STIL: variants seen among roughly 807,000 people sequenced by gnomAD.
STIL encodes the protein SCL-interrupting locus protein.
A neutral mutation model predicts 110.1 loss-of-function variants in STIL; 55 were observed. The observed-to-expected ratio is 0.50, with a 90% CI of 0.40 to 0.63. The LOEUF is 0.63. STIL is among the 20% of genes least tolerant of loss of function. The probability of loss-of-function intolerance (pLI) is 0.00; values close to 1 mark genes in which losing one functional copy is unlikely to be tolerated. For synonymous variants in STIL, 481 were observed against 530.0 expected (o/e 0.91, Z 1.27); for missense variants, 1,358 against 1,530.0 (o/e 0.89, Z 1.87).
chr1:47,259,992 A>G (rs1334727628), intron 16 of STIL, among the ~76,000 whole-genome samples: 1 of 152,084 alleles, frequency 6.6e-6, no homozygotes, highest in East Asian at 1.9e-4. Context: ...TTTCCTCAAG[A>G]CTCCTAAAGT....
rs191589418 is a variant in STIL, at chr1:47,252,333, G to A, written c.3081-411C>T. Among the ~76,000 whole-genome samples, 418 of 152,306 alleles carry A rather than the reference G, an allele frequency of 2.7e-3. 2 individuals carry two copies. The highest frequency in any genetic ancestry group is 9.6e-3 in the African/African-American group (400 of 41,570). ...AGAGTTCAAAGTTACAGTGAGCCAT[G>A]ATCGTGCCACTGCACTCCAGCCTGG... is the stretch of plus-strand genomic sequence containing the variant. On this transcript the variant is annotated intron_variant, in intron 16 of 16. Coordinates refer to ENST00000371877, the MANE Select transcript of STIL (RefSeq NM_001048166.1).
At chr1:47,272,377 A>T (rs1487360812) in intron 12 of STIL, 136 bp from the exon 13 acceptor site, 1 of 841,494 alleles carries the variant, frequency 1.2e-6, no homozygotes, top group East Asian at 2.6e-5. Context: ...TTTCAACTAG[A>T]CCATACCATG....
chr1:47,297,343 C>CA (rs34222408), intron 6 of STIL, among the ~76,000 whole-genome samples: 93,828 of 143,348 alleles, frequency 0.65, 33,681 homozygotes, highest in Non-Finnish European at 0.82. Flanking sequence ...GACTCCATCT[C>CA]AAAAAAAAAA....
chr1:47,291,426 A>G (rs1645486980), intron 8 of STIL, among the ~76,000 whole-genome samples: 1 of 151,898 alleles, frequency 6.6e-6, no homozygotes, highest in South Asian at 2.1e-4. Flanking sequence ...ATAAATAAAT[A>G]AATAAACGGC....
chr1:47,300,079 G>A lies in STIL; in HGVS notation c.527C>T (p.Thr176Ile), dbSNP rs1645758700. The change falls in exon 6 of 17, where the codon ACT (threonine) becomes ATT (isoleucine). Residue 176 changes from threonine to isoleucine, a missense_variant. Thr to Ile is a moderately conservative substitution (Grantham distance 89, BLOSUM62 -1). Coordinates refer to ENST00000371877, the MANE Select transcript of STIL (RefSeq NM_001048166.1). Reference sequence around the variant, plus strand: ...CACACTGTCCAAACTCTCCCTGGAAGTGATATGAACTCTTAGGGAAAGCAG... The same window carrying A: ...CACACTGTCCAAACTCTCCCTGGAAATGATATGAACTCTTAGGGAAAGCAG... ...GKLLSLRVHI[T>I]SRESLDSVEF... 5 of 1,614,028 alleles carry A rather than the reference G, an allele frequency of 3.1e-6. No homozygotes were observed. Among genetic ancestry groups the A allele is most frequent in the Non-Finnish European group, 4.2e-6 (5 of 1,180,026 alleles).
chr1:47,293,432 G>C, intron 8 of STIL, 26 bp downstream of exon 8: 1 of 1,575,114 alleles, frequency 6.3e-7, no homozygotes, highest in African/African-American at 1.3e-5. Flanking sequence ...TCGAAATAAA[G>C]TACTACAGAA....
chr1:47,252,786 C>CACACACACACAT (rs1644222689), intron 16 of STIL, among the ~76,000 whole-genome samples: 1 of 131,776 alleles, frequency 7.6e-6, no homozygotes, highest in Non-Finnish European at 1.5e-5. Flanking sequence ...TATACACACA[C>CACACACACACAT]ACACACACAC....
Position 47,269,873 on chromosome 1 carries a change from G to A in STIL, c.2384-7C>T. ...TTCCAAAACAAGCTAGCACCTGGAGGTTAAATAATTTAAGATACTGAAACA... is the reference window on the plus strand; with the variant it reads ...TTCCAAAACAAGCTAGCACCTGGAGATTAAATAATTTAAGATACTGAAACA... On this transcript the variant is annotated splice_polypyrimidine_tract_variant and splice_region_variant and intron_variant, in intron 13 of 16. Transcript: ENST00000371877. The A allele has an allele frequency of 6.2e-7, 1 of 1,609,504 alleles. No homozygotes were observed.
At chr1:47,286,200 G>T (rs907019755) in intron 10 of STIL, among the ~76,000 whole-genome samples, 1 of 151,976 alleles carries the variant, frequency 6.6e-6, no homozygotes, top group Non-Finnish European at 1.5e-5. Flanking sequence ...ATTGTATAAT[G>T]AAAGTATCAT....
rs536667689 is a variant in STIL, at chr1:47,311,283, CTTTTTTTT to C, written c.-43-929_-43-922del. Reference sequence around the variant, plus strand: ...CAAATCCATTTTCTTTTCTTTTTTTCTTTTTTTTTTTTTTTTGAAACAGGGTCTCACTC... The same window carrying C: ...CAAATCCATTTTCTTTTCTTTTTTTCTTTTTTTTGAAACAGGGTCTCACTC... On this transcript the variant is annotated intron_variant, in intron 1 of 16. Transcript: ENST00000371877. Among the ~76,000 whole-genome samples the C allele has an allele frequency of 1.7e-4, 23 of 132,220 alleles. No homozygotes were observed. The East Asian group carries it at 1.9e-3, about 11-fold the overall frequency. 86.7% of individuals were successfully genotyped at this position (132,220 alleles called of 152,430 possible).
chr1:47,250,488 G>C lies in STIL; in HGVS notation c.*648C>G, dbSNP rs1174062479. ...TAACTTATGTTCTTTTAATGATATA[G>C]GATAAATGCAGAGATGCAACATGCT... is the stretch of plus-strand genomic sequence containing the variant. On this transcript the variant is annotated 3_prime_UTR_variant, in exon 17 of 17. Transcript: ENST00000371877. 1 of 164,462 alleles carries C rather than the reference G, an allele frequency of 6.1e-6. No individual in the cohort carries two copies. Among genetic ancestry groups the C allele is most frequent in the Non-Finnish European group, 1.3e-5 (1 of 75,076 alleles). The allele number at this position is 164,462 out of a possible 1,614,324, so 10.2% of individuals were successfully genotyped here. A position where few individuals can be genotyped will look rare whatever the true frequency, so the allele number is the denominator to read the frequency against.
At chr1:47,300,946 C>G (rs1396847707) in intron 5 of STIL, among the ~76,000 whole-genome samples, 1 of 152,190 alleles carries the variant, frequency 6.6e-6, no homozygotes, top group Non-Finnish European at 1.5e-5. Flanking sequence ...TACACACCTG[C>G]CCAACTTCTA....
chr1:47,305,185 GCGTGAT>G, intron 2 of STIL, 189 bp from the exon 3 acceptor site: 1 of 523,352 alleles, frequency 1.9e-6, no homozygotes, highest in South Asian at 2.2e-5. Context: ...GAGTGCAGTG[GCGTGAT>G]CTCAGCTCAC....
chr1:47,291,083 G>A (rs543340686), intron 8 of STIL, among the ~76,000 whole-genome samples: 1 of 152,280 alleles, frequency 6.6e-6, no homozygotes, highest in East Asian at 1.9e-4. Flanking sequence ...CTCTTGGCCG[G>A]GTGCAGTGGC....
Position 47,295,790 on chromosome 1 carries a change from C to A in STIL, c.760G>T (p.Val254Phe). Residue 254 changes from valine to phenylalanine, a missense_variant, in exon 7 of 17, where the codon GTT (valine) becomes TTT (phenylalanine). Transcript: ENST00000371877. ...LLLLLESDPK[V>F]YSLPLVGIWL... ...ATTCCCACCAATGGTAGAGAATAAA[C>A]CTTGGGATCAGATTCCAACAAAAGT... 6.2e-7 allele frequency: 1 copy of A among 1,612,474 alleles called. No individual in the cohort carries two copies. The highest frequency in any genetic ancestry group is 8.5e-7 in the Non-Finnish European group (1 of 1,178,968).
intron 9 of STIL, among the ~76,000 whole-genome samples, chr1:47,288,892 CAAAAAAAAAAA>C (rs138649605): frequency 1.1e-5 from 1 of 94,790 alleles, no homozygotes; most frequent in Non-Finnish European, 2.1e-5. Context: ...AATGAAAATA[CAAAAAAAAAAA>C]AAAAAAAAAA....
chr1:47,286,674 AC>A (rs1645310319), intron 10 of STIL, among the ~76,000 whole-genome samples: 1 of 151,920 alleles, frequency 6.6e-6, no homozygotes, highest in Admixed American at 6.6e-5. Flanking sequence ...AGCCTGGGCG[AC>A]AGAGCGAGGC....
chr1:47,251,694 T>G lies in STIL; in HGVS notation c.3309A>C (p.Arg1103Ser). ...AAATTAAACTAAGCCCCACTGTGCT[T>G]CTGTCTGTATTAATATGGAGAAGGC... ...PFSLLHINTD[R>S]STVGLSLISP... Residue 1103 changes from arginine (R) to serine (S), a missense_variant, in exon 17 of 17, where the codon AGA (arginine) becomes AGC (serine). Transcript: ENST00000371877. 6.2e-7 allele frequency: 1 copy of G among 1,614,242 alleles called. No homozygotes were observed. Among genetic ancestry groups the G allele is most frequent in the East Asian group, 2.2e-5 (1 of 44,886 alleles).
At position 47,251,565 on chromosome 1, in the gene STIL, T is replaced by C. The variant is rs370866038; in HGVS notation, c.3438A>G (p.Ala1146=). The C allele has an allele frequency of 1.9e-6, 3 of 1,613,920 alleles. No individual in the cohort carries two copies. Among genetic ancestry groups the C allele is most frequent in the Non-Finnish European group, 2.5e-6 (3 of 1,179,934 alleles). The change falls in exon 17 of 17, where the codon GCA becomes GCG. Residue 1146 remains alanine (A), a synonymous_variant. Coordinates refer to ENST00000371877, the MANE Select transcript of STIL (RefSeq NM_001048166.1). Reference sequence around the variant, plus strand: ...TCAATAAATATTCACTCTTGCTATCTGCATTGTCGGGAGGTTCCTCTTCAT... The same window carrying C: ...TCAATAAATATTCACTCTTGCTATCCGCATTGTCGGGAGGTTCCTCTTCAT... ...SEDEEEPPDN[A]DSKSEYLLNQ...
Sources: gnomAD v4.1 joint callset for allele counts (sites outside exome capture counted in the v4.1 genomes callset) on GRCh38, gnomAD v4.1.1 for gene constraint, MANE v1.5 for transcripts, NCBI Gene and HGNC (gene_info 2026-07-23, HGNC 2026-07-21) for gene names.